The following LRBA variants were observed in gnomAD, a reference collection of about 807,000 sequenced individuals.
LRBA encodes lipopolysaccharide-responsive and beige-like anchor protein.
In LRBA, 176 loss-of-function variants were observed where a neutral mutation model predicts 330.0. The ratio of observed to expected loss-of-function variants is 0.53; its 90% CI spans 0.47 to 0.60. The LOEUF is 0.60. LRBA is among the 20% of genes least tolerant of loss of function. LRBA has a pLI of 0.00. For missense variants in LRBA, 3,259 were observed against 3,444.8 expected (o/e 0.95, Z 1.35); for synonymous variants, 1,230 against 1,193.0 (o/e 1.03, Z -0.64).
At chr4:150,875,174 C>T (rs1337716724) in intron 17 of LRBA, among the ~76,000 whole-genome samples, 5 of 152,220 alleles carry the variant, frequency 3.3e-5, no homozygotes, top group Admixed American at 6.5e-5. Flanking sequence ...CTCTGTTTCA[C>T]ACCCAAGCCT....
At chr4:150,386,592 T>C (rs574283075) in intron 47 of LRBA, among the ~76,000 whole-genome samples, 2 of 152,062 alleles carry the variant, frequency 1.3e-5, no homozygotes, top group Non-Finnish European at 2.9e-5. Flanking sequence ...GCAAAAGACA[T>C]GATCTCATTC....
At chr4:150,891,127 A>C (rs1416966779) in intron 17 of LRBA, among the ~76,000 whole-genome samples, 2 of 152,180 alleles carry the variant, frequency 1.3e-5, no homozygotes, top group Non-Finnish European at 2.9e-5. Context: ...GAAACAAACA[A>C]GTATTTATAA....
At chr4:150,556,095 G>T (rs1767285122) in intron 40 of LRBA, among the ~76,000 whole-genome samples, 1 of 151,868 alleles carries the variant, frequency 6.6e-6, no homozygotes, top group African/African-American at 2.4e-5. Context: ...GAGCCACTGT[G>T]CTCAGCCTAG....
intron 2 of LRBA, among the ~76,000 whole-genome samples, chr4:150,951,834 C>A (rs77228037): frequency 0.022 from 3,382 of 152,080 alleles, 112 homozygotes; most frequent in African/African-American, 0.077. Flanking sequence ...TCCAATTAGA[C>A]GTGATTTTTA....
intron 37 of LRBA, among the ~76,000 whole-genome samples, chr4:150,681,618 A>G (rs1416388358): frequency 2.6e-5 from 4 of 152,208 alleles, no homozygotes; most frequent in African/African-American, 7.2e-5. Context: ...TGAGATTTAT[A>G]GAGAGGAAAA....
chr4:150,466,208 G>A (rs1299992335), intron 44 of LRBA, among the ~76,000 whole-genome samples: 2 of 152,104 alleles, frequency 1.3e-5, no homozygotes, highest in East Asian at 1.9e-4. Flanking sequence ...GTGATTGTCT[G>A]AACTGTGTGA....
chr4:150,640,802 T>C (rs1042123267), intron 37 of LRBA, among the ~76,000 whole-genome samples: 1 of 152,228 alleles, frequency 6.6e-6, no homozygotes, highest in South Asian at 2.1e-4. Flanking sequence ...TTAAAAAAAA[T>C]TATTATCCAG....
At chr4:150,673,294 T>C (rs1258329130) in intron 37 of LRBA, among the ~76,000 whole-genome samples, 1 of 152,164 alleles carries the variant, frequency 6.6e-6, no homozygotes, top group Non-Finnish European at 1.5e-5. Context: ...AGTAAAAGAA[T>C]TTCTAATTCG....
rs140094598 is a variant in LRBA, at chr4:150,517,209, C to T, written c.6331-26174G>A. On this transcript the variant is annotated intron_variant, in intron 40 of 56. Coordinates refer to ENST00000651943, the MANE Select transcript of LRBA (RefSeq NM_001364905.1). ...AATGAAGAAAAACATGAGAAGATTA[C>T]GTACTAGGTTGCAAATATATGTTAA... Among the ~76,000 whole-genome samples, 22 of 152,158 alleles carry T rather than the reference C, an allele frequency of 1.4e-4. 1 individual carries two copies. The East Asian group carries it at 4.1e-3, about 28-fold the overall frequency.
At chr4:150,486,055 A>C (rs114103250) in intron 42 of LRBA, among the ~76,000 whole-genome samples, 1,753 of 151,992 alleles carry the variant, frequency 0.012, 36 homozygotes, top group African/African-American at 0.039. Context: ...TGCATATTTA[A>C]ATTGCTAAGA....
chr4:150,294,093 G>A (rs1312623750), intron 53 of LRBA, among the ~76,000 whole-genome samples: 1 of 152,196 alleles, frequency 6.6e-6, no homozygotes, highest in Non-Finnish European at 1.5e-5. Context: ...TTCTGACGGT[G>A]TGGGGGGTTG....
intron 37 of LRBA, among the ~76,000 whole-genome samples, chr4:150,632,603 G>C (rs890336310): frequency 2.6e-5 from 4 of 152,110 alleles, no homozygotes; most frequent in African/African-American, 7.2e-5. Flanking sequence ...CAACCACAAT[G>C]AACTACTTTC....
rs1416051165 is a variant in LRBA, at chr4:150,792,390, A to C, written c.5580+5691T>G. ...AGGAGGGGATTGATTGAAAAGAGGCACAGGGAAATTTGAGGATTAAAATGG... is the reference window on the plus strand; with the variant it reads ...AGGAGGGGATTGATTGAAAAGAGGCCCAGGGAAATTTGAGGATTAAAATGG... On this transcript the variant is annotated intron_variant, in intron 34 of 56. Transcript: ENST00000651943. Among the ~76,000 whole-genome samples the C allele has an allele frequency of 2.0e-5, 3 of 152,204 alleles. No homozygotes were observed. The East Asian group carries it at 5.8e-4, about 29-fold the overall frequency.
chr4:150,348,697 T>C (rs566207531), intron 48 of LRBA, among the ~76,000 whole-genome samples: 1 of 152,166 alleles, frequency 6.6e-6, no homozygotes, highest in African/African-American at 2.4e-5. Context: ...AAATAGCTGG[T>C]ATATTTGTTG....
chr4:150,354,501 C>G (rs1295853658), intron 47 of LRBA, among the ~76,000 whole-genome samples: 1 of 146,562 alleles, frequency 6.8e-6, no homozygotes, highest in Non-Finnish European at 1.5e-5. Flanking sequence ...AATGTGTGCT[C>G]TGAGTAATAT....
At chr4:150,603,283 T>G (rs867039752) in intron 37 of LRBA, among the ~76,000 whole-genome samples, 1 of 152,324 alleles carries the variant, frequency 6.6e-6, no homozygotes, top group South Asian at 2.1e-4. Flanking sequence ...TATTTTTTAA[T>G]TTAGTTTTTT....
At position 150,908,854 on chromosome 4, in the gene LRBA, T is replaced by C. The variant is rs1272641895; in HGVS notation, c.1165A>G (p.Thr389Ala). 10 of 1,606,406 alleles carry C rather than the reference T, an allele frequency of 6.2e-6. No individual in the cohort carries two copies. In the African/African-American group the frequency reaches 1.3e-4, roughly 22 times the overall value. ...TCGCTTTCTGCTTTGAATTTAAATG[T>C]ACCCTAAGAATTAATTAAAAACAGT... ...IYQLGLGYKGTFKFKAESDLF... is the reference protein window; with the variant it reads ...IYQLGLGYKGAFKFKAESDLF... The change falls in exon 10 of 57, where the codon ACA becomes GCA. Residue 389 changes from threonine to alanine, a missense_variant. Coordinates refer to ENST00000651943, the MANE Select transcript of LRBA (RefSeq NM_001364905.1).
intron 14 of LRBA, 113 bp downstream of exon 14, chr4:150,899,936 A>T: frequency 1.5e-6 from 1 of 666,124 alleles, no homozygotes; most frequent in Non-Finnish European, 2.4e-6. Flanking sequence ...ATTTTGCCAT[A>T]ATGGAATATA....
At chr4:150,271,846 G>A (rs931494589) in intron 56 of LRBA, among the ~76,000 whole-genome samples, 5 of 152,170 alleles carry the variant, frequency 3.3e-5, no homozygotes, top group Non-Finnish European at 7.3e-5. Context: ...TGAAAAAAAA[G>A]GCAGCAGCCC....
Sources: allele counts gnomAD v4.1 joint callset (sites outside exome capture counted in the v4.1 genomes callset), GRCh38; gene constraint gnomAD v4.1.1; transcripts MANE v1.5; gene names NCBI Gene and HGNC (gene_info 2026-07-23, HGNC 2026-07-21).